Variants in CMSS1 observed in about 807,000 individuals in gnomAD.
CMSS1 encodes cms1 ribosomal small subunit homolog.
CMSS1 carries 33 observed loss-of-function variants against 43.5 expected under a neutral mutation model. The ratio of observed to expected loss-of-function variants is 0.76; its 90% CI spans 0.57 to 1.01. The LOEUF (loss-of-function observed/expected upper bound fraction) is 1.01. Ranked by LOEUF, CMSS1 falls within the 50% of genes least tolerant of loss-of-function variation. CMSS1 has a pLI of 0.00. For missense variants in CMSS1, 313 were observed against 326.4 expected (o/e 0.96, Z 0.32); for synonymous variants, 115 against 117.2 (o/e 0.98, Z 0.12).
chr3:99,928,624 A>C (rs923527696), intron 1 of CMSS1, among the ~76,000 whole-genome samples: 1 of 152,198 alleles, frequency 6.6e-6, no homozygotes, highest in African/African-American at 2.4e-5. Context: ...CGATTTCAAC[A>C]TAAGTTTGGA....
intron 2 of CMSS1, among the ~76,000 whole-genome samples, chr3:100,156,548 C>T (rs1202963102): frequency 5.3e-5 from 8 of 151,550 alleles, no homozygotes. Context: ...ACCTCGTAAT[C>T]CGCCCTCCTC....
chr3:100,069,229 A>G lies in CMSS1; in HGVS notation c.65-77744A>G, dbSNP rs144997904. Among the ~76,000 whole-genome samples, 549 of 152,284 alleles carry G rather than the reference A, an allele frequency of 3.6e-3. 2 individuals are homozygous for G. Among genetic ancestry groups the G allele is most frequent in the African/African-American group, 0.013 (522 of 41,566 alleles). ...TAAAAAGGTGCAATTCTATTTCTGC[A>G]CATGGATGTTAGTTGCATTCTTTCT... On this transcript the variant is annotated intron_variant, in intron 1 of 9. Transcript: ENST00000421999.
chr3:99,983,400 AT>A (rs1349015591), intron 1 of CMSS1, among the ~76,000 whole-genome samples: 1 of 110,106 alleles, frequency 9.1e-6, no homozygotes, highest in Non-Finnish European at 1.8e-5. Context: ...ATATATATAT[AT>A]ATATATATAT....
intron 1 of CMSS1, among the ~76,000 whole-genome samples, chr3:100,031,597 G>A (rs926516785): frequency 6.6e-6 from 1 of 151,980 alleles, no homozygotes; most frequent in Non-Finnish European, 1.5e-5. Context: ...CCTGAGACCC[G>A]CATCCCTTGG....
At chr3:99,979,263 A>G (rs1283492664) in intron 1 of CMSS1, among the ~76,000 whole-genome samples, 1 of 152,186 alleles carries the variant, frequency 6.6e-6, no homozygotes, top group Non-Finnish European at 1.5e-5. Flanking sequence ...ATTTTTTTGA[A>G]TGAGACTCTA....
chr3:99,848,568 TG>T (rs754267001), intron 1 of CMSS1: 1 of 1,614,206 alleles, frequency 6.2e-7, no homozygotes, highest in Non-Finnish European at 8.5e-7. Flanking sequence ...ACTGCCGGTC[TG>T]GGGAGACTCT....
intron 1 of CMSS1, among the ~76,000 whole-genome samples, chr3:99,970,460 A>C (rs919666765): frequency 6.6e-6 from 1 of 152,174 alleles, no homozygotes; most frequent in Non-Finnish European, 1.5e-5. Context: ...ATTCTCACAT[A>C]CTCTGTGCTT....
chr3:100,177,295 CACAT>C (rs534985564), intron 9 of CMSS1, among the ~76,000 whole-genome samples: 131 of 152,322 alleles, frequency 8.6e-4, no homozygotes, highest in Non-Finnish European at 1.5e-3. Context: ...CATGCACACA[CACAT>C]ACACAGTCGT....
intron 1 of CMSS1, among the ~76,000 whole-genome samples, chr3:100,047,158 C>G (rs1375606336): frequency 6.6e-6 from 1 of 152,076 alleles, no homozygotes; most frequent in African/African-American, 2.4e-5. Context: ...CTCTGCCTAC[C>G]TTTCTAGGGT....
intron 1 of CMSS1, among the ~76,000 whole-genome samples, chr3:99,960,726 C>A (rs1228253149): frequency 6.6e-6 from 1 of 152,126 alleles, no homozygotes; most frequent in Middle Eastern, 3.2e-3. Context: ...GGCTATTGTT[C>A]TTGCTTTCCT....
rs16841828 is a variant in CMSS1, at chr3:99,924,022, A to G, written c.64+105979A>G. Among the ~76,000 whole-genome samples, 932 of 152,330 alleles carry G rather than the reference A, an allele frequency of 6.1e-3. 10 individuals carry two copies. Among genetic ancestry groups the G allele is most frequent in the African/African-American group, 0.021 (881 of 41,570 alleles). Reference sequence around the variant, plus strand: ...TCCCTTCAAGAGTTAGGGGCCTAACATTTATGGTTCCACAGTCCTTATCAC... The same window carrying G: ...TCCCTTCAAGAGTTAGGGGCCTAACGTTTATGGTTCCACAGTCCTTATCAC... On this transcript the variant is annotated intron_variant, in intron 1 of 9. Transcript: ENST00000421999.
chr3:100,019,835 AT>A (rs980359620), intron 1 of CMSS1, among the ~76,000 whole-genome samples: 22 of 152,094 alleles, frequency 1.4e-4, no homozygotes, highest in African/African-American at 5.3e-4. Context: ...ACTTATTTTC[AT>A]TTTTTTAATG....
At chr3:100,001,833 G>T (rs1256102831) in intron 1 of CMSS1, among the ~76,000 whole-genome samples, 2 of 152,200 alleles carry the variant, frequency 1.3e-5, no homozygotes, top group East Asian at 3.8e-4. Flanking sequence ...TGGGTGTCTT[G>T]TTGAATGCTG....
chr3:99,830,253 TA>T, intron 1 of CMSS1: 1 of 342,092 alleles, frequency 2.9e-6, no homozygotes, highest in South Asian at 2.3e-5. Context: ...AGAAGTAAAA[TA>T]ATTGTAGACG....
At chr3:99,956,639 G>T (rs1316185141) in intron 1 of CMSS1, among the ~76,000 whole-genome samples, 1 of 152,192 alleles carries the variant, frequency 6.6e-6, no homozygotes, top group Non-Finnish European at 1.5e-5. Context: ...GAGCCCCCGC[G>T]CCCAGCCACC....
chr3:99,862,145 C>T (rs1025327731), intron 1 of CMSS1, among the ~76,000 whole-genome samples: 1 of 152,084 alleles, frequency 6.6e-6, no homozygotes, highest in African/African-American at 2.4e-5. Context: ...TTGATTTAGC[C>T]ATTCCACAAT....
chr3:99,878,423 G>A (rs1445311842), intron 1 of CMSS1, among the ~76,000 whole-genome samples: 1 of 152,092 alleles, frequency 6.6e-6, no homozygotes, highest in Non-Finnish European at 1.5e-5. Flanking sequence ...AATGATACAG[G>A]GATTTAAAGC....
At chr3:99,870,602 G>A (rs1944739006) in intron 1 of CMSS1, among the ~76,000 whole-genome samples, 1 of 152,200 alleles carries the variant, frequency 6.6e-6, no homozygotes, top group Non-Finnish European at 1.5e-5. Flanking sequence ...GGTGTGTGGT[G>A]AACTTAGTTG....
At chr3:99,990,111 A>T (rs890477892) in intron 1 of CMSS1, among the ~76,000 whole-genome samples, 11 of 152,226 alleles carry the variant, frequency 7.2e-5, no homozygotes, top group African/African-American at 2.7e-4. Flanking sequence ...TTGAACTTAT[A>T]TTTACCCAGC....
Sources: gnomAD v4.1 joint callset for allele counts (sites outside exome capture counted in the v4.1 genomes callset) on GRCh38, gnomAD v4.1.1 for gene constraint, MANE v1.5 for transcripts, NCBI Gene and HGNC (gene_info 2026-07-23, HGNC 2026-07-21) for gene names.